The following MARCHF1 variants were observed in gnomAD, a reference collection of about 807,000 sequenced individuals.
MARCHF1 encodes membrane associated ring-CH-type finger 1, also known as E3 ubiquitin-protein ligase MARCHF1.
MARCHF1 carries 40 observed loss-of-function variants against 54.2 expected under a neutral mutation model. The ratio of observed to expected loss-of-function variants is 0.74; its 90% CI spans 0.57 to 0.96. MARCHF1 has a LOEUF of 0.96. Among genes scored for constraint, MARCHF1 ranks in the 40% least tolerant of loss-of-function variants. The pLI is 0.00. For synonymous variants in MARCHF1, 236 were observed against 236.3 expected (o/e 1.00, Z 0.01); for missense variants, 586 against 656.5 (o/e 0.89, Z 1.17).
At chr4:164,377,409 A>G (rs1731223947) in intron 1 of MARCHF1, among the ~76,000 whole-genome samples, 1 of 152,222 alleles carries the variant, frequency 6.6e-6, no homozygotes, top group Admixed American at 6.5e-5. Context: ...TTCACAAGAA[A>G]TCAGTCTGTA....
chr4:164,150,554 C>G (rs1290054794), intron 1 of MARCHF1, among the ~76,000 whole-genome samples: 1 of 152,104 alleles, frequency 6.6e-6, no homozygotes, highest in Non-Finnish European at 1.5e-5. Context: ...CTCTGGTGGT[C>G]TTGAGCTTGG....
rs75534401 is a variant in MARCHF1 at position 163,866,079 on chromosome 4, A to G, written c.-38-11910T>C. Among the ~76,000 whole-genome samples the G allele has an allele frequency of 3.9e-4, 59 of 151,794 alleles. No individual in the cohort carries two copies. The East Asian group carries it at 0.01, about 26-fold the overall frequency. On this transcript the variant is annotated intron_variant, in intron 3 of 9. Coordinates refer to ENST00000514618, the MANE Select transcript of MARCHF1 (RefSeq NM_001394959.1). The stretch of plus-strand genomic sequence containing the variant: ...TATTTTCTTCTTGACTTTGGTCTCT[A>G]GGGAACTCAGAAATCAATTAACAAC...
chr4:163,645,832 A>T (rs945868497), intron 5 of MARCHF1, among the ~76,000 whole-genome samples: 13 of 152,186 alleles, frequency 8.5e-5, no homozygotes, highest in Non-Finnish European at 1.5e-4. Context: ...GTAAACAATA[A>T]GGGTCCTTTG....
At chr4:163,980,153 T>C (rs201833567) in intron 3 of MARCHF1, among the ~76,000 whole-genome samples, 26,394 of 140,252 alleles carry the variant, frequency 0.19, 3,136 homozygotes, top group Non-Finnish European at 0.27. Context: ...AGCATGGTAC[T>C]GGTACCAAAA....
chr4:164,370,034 G>T (rs1191398375), intron 1 of MARCHF1, among the ~76,000 whole-genome samples: 1 of 152,182 alleles, frequency 6.6e-6, no homozygotes, highest in Admixed American at 6.5e-5. Flanking sequence ...CTTCACAGAA[G>T]ACGTTAATTA....
At chr4:164,066,665 C>T (rs1754736272) in intron 2 of MARCHF1, among the ~76,000 whole-genome samples, 2 of 152,164 alleles carry the variant, frequency 1.3e-5, no homozygotes, top group Non-Finnish European at 2.9e-5. Flanking sequence ...GGTACAAATA[C>T]ACCATGAAAT....
intron 3 of MARCHF1, among the ~76,000 whole-genome samples, chr4:163,986,557 A>G (rs1024500718): frequency 3.3e-5 from 5 of 151,794 alleles, no homozygotes; most frequent in African/African-American, 9.7e-5. Context: ...GAGCCACGGC[A>G]CCCGGCCAAC....
At chr4:164,108,970 C>A (rs918500566) in intron 2 of MARCHF1, among the ~76,000 whole-genome samples, 11 of 151,972 alleles carry the variant, frequency 7.2e-5, no homozygotes, top group African/African-American at 2.7e-4. Context: ...CAGGGCAATT[C>A]CCATTCCAAA....
chr4:164,090,895 A>T (rs1755283450), intron 2 of MARCHF1, among the ~76,000 whole-genome samples: 1 of 152,156 alleles, frequency 6.6e-6, no homozygotes, highest in Admixed American at 6.6e-5. Flanking sequence ...GCAGAGAGAG[A>T]TCCTGAAGAA....
At chr4:163,677,301 G>T (rs529643352) in intron 5 of MARCHF1, among the ~76,000 whole-genome samples, 47 of 146,338 alleles carry the variant, frequency 3.2e-4, no homozygotes, top group African/African-American at 1.2e-3. Flanking sequence ...AATCCAGAAG[G>T]TTCTGCAAGT....
At chr4:164,290,116 T>C (rs1395283099) in intron 1 of MARCHF1, among the ~76,000 whole-genome samples, 1 of 151,800 alleles carries the variant, frequency 6.6e-6, no homozygotes, top group South Asian at 2.1e-4. Context: ...CAACATTGAG[T>C]TGTAGTTATT....
At chr4:164,344,947 T>C (rs1021144279) in intron 1 of MARCHF1, among the ~76,000 whole-genome samples, 8 of 152,198 alleles carry the variant, frequency 5.3e-5, no homozygotes, top group African/African-American at 1.9e-4. Flanking sequence ...TTAATGAAGT[T>C]TTCTCTTTGG....
At chr4:163,955,212 TAA>T (rs574633631) in intron 3 of MARCHF1, among the ~76,000 whole-genome samples, 41 of 111,730 alleles carry the variant, frequency 3.7e-4, no homozygotes, top group Admixed American at 6.5e-4. Context: ...TACTGAACAT[TAA>T]AAAAAAAAAA....
chr4:163,965,593 T>C (rs1002033985), intron 3 of MARCHF1, among the ~76,000 whole-genome samples: 1 of 152,192 alleles, frequency 6.6e-6, no homozygotes, highest in African/African-American at 2.4e-5. Flanking sequence ...CAGACTTATC[T>C]CTGTCTTGTC....
intron 1 of MARCHF1, among the ~76,000 whole-genome samples, chr4:164,126,409 G>A (rs558257215): frequency 1.3e-5 from 2 of 152,266 alleles, no homozygotes; most frequent in East Asian, 1.9e-4. Context: ...GAACTGTGAG[G>A]AAAAGAAATT....
At position 163,896,492 on chromosome 4, in the gene MARCHF1, C is replaced by G. The variant is rs548273675; in HGVS notation, c.-38-42323G>C. On this transcript the variant is annotated intron_variant, in intron 3 of 9. Transcript: ENST00000514618. ...CTCAGAATCTAATGATATTCACTCC[C>G]TTCTTGAAATTCCTTTCTTTCATAG... Among the ~76,000 whole-genome samples the G allele has an allele frequency of 3.0e-4, 46 of 152,268 alleles. 1 individual carries two copies. The highest frequency in any genetic ancestry group is 1.0e-3 in the African/African-American group (43 of 41,562).
chr4:163,940,838 T>C (rs1479976935), intron 3 of MARCHF1, among the ~76,000 whole-genome samples: 1 of 152,146 alleles, frequency 6.6e-6, no homozygotes, highest in Non-Finnish European at 1.5e-5. Flanking sequence ...AGTTCCTACT[T>C]CACAATGTTG....
intron 8 of MARCHF1, among the ~76,000 whole-genome samples, chr4:163,553,475 T>C (rs1739181642): frequency 6.6e-6 from 1 of 152,206 alleles, no homozygotes. Flanking sequence ...ATGTCTCATA[T>C]CAGGAAAATA....
chr4:163,883,934 T>G (rs927260753), intron 3 of MARCHF1, among the ~76,000 whole-genome samples: 2 of 152,134 alleles, frequency 1.3e-5, no homozygotes, highest in Non-Finnish European at 2.9e-5. Flanking sequence ...GCTTGGTGCA[T>G]GAAGTGACAA....
Sources: allele counts gnomAD v4.1 joint callset (sites outside exome capture counted in the v4.1 genomes callset), GRCh38; gene constraint gnomAD v4.1.1; transcripts MANE v1.5; gene names NCBI Gene and HGNC (gene_info 2026-07-23, HGNC 2026-07-21).